ZNF385D: variants seen among roughly 807,000 people sequenced by gnomAD.
ZNF385D encodes the protein zinc finger protein 385D.
Under a neutral mutation model 35.8 loss-of-function variants are expected in ZNF385D, and 15 were observed. The ratio of observed to expected loss-of-function variants is 0.42; its 90% CI spans 0.28 to 0.64. The LOEUF (loss-of-function observed/expected upper bound fraction) is 0.64. Among genes scored for constraint, ZNF385D ranks in the 30% least tolerant of loss-of-function variants. The pLI is 0.23. For synonymous variants in ZNF385D, 212 were observed against 186.8 expected (o/e 1.13, Z -1.10); for missense variants, 474 against 494.6 (o/e 0.96, Z 0.39).
intron 2 of ZNF385D, among the ~76,000 whole-genome samples, chr3:22,178,742 A>G (rs1445018254): frequency 3.3e-5 from 5 of 152,166 alleles, no homozygotes. Context: ...GTCTTTAATT[A>G]TCTTGAATTA....
At chr3:22,216,385 G>A (rs1697886425) in intron 2 of ZNF385D, among the ~76,000 whole-genome samples, 4 of 152,050 alleles carry the variant, frequency 2.6e-5, no homozygotes, top group Admixed American at 2.6e-4. Flanking sequence ...GCAGAAGACT[G>A]AAAGCCCCTT....
intron 3 of ZNF385D, among the ~76,000 whole-genome samples, chr3:22,141,684 G>A (rs1313288351): frequency 6.6e-6 from 1 of 150,622 alleles, no homozygotes; most frequent in Non-Finnish European, 1.5e-5. Flanking sequence ...GGAGGAGGAG[G>A]GTAGCACATC....
intron 3 of ZNF385D, among the ~76,000 whole-genome samples, chr3:21,529,169 C>T (rs374004954): frequency 6.6e-6 from 1 of 152,098 alleles, no homozygotes; most frequent in South Asian, 2.1e-4. Flanking sequence ...ACTAGTTTCT[C>T]AAATGTTCCA....
chr3:21,831,022 G>A (rs1694958755), intron 3 of ZNF385D, among the ~76,000 whole-genome samples: 1 of 152,068 alleles, frequency 6.6e-6, no homozygotes, highest in South Asian at 2.1e-4. Context: ...CAGGTTCCAG[G>A]GCTTCAGAGT....
At chr3:22,001,660 C>T (rs1695852582) in intron 3 of ZNF385D, among the ~76,000 whole-genome samples, 1 of 151,984 alleles carries the variant, frequency 6.6e-6, no homozygotes, top group South Asian at 2.1e-4. Flanking sequence ...CATCCAGCAG[C>T]TGCAGAATAC....
chr3:22,003,591 G>T lies in ZNF385D; in HGVS notation c.325+165226C>A, dbSNP rs534810820. On this transcript the variant is annotated intron_variant, in intron 3 of 5. Transcript: ENST00000494108. ...AAAAAAATACCTAAAATTTGGCCAG[G>T]TACAGTAGCTCACCCCTGTAATGTC... is the stretch of plus-strand genomic sequence containing the variant. Among the ~76,000 whole-genome samples, 14 of 152,224 alleles carry T rather than the reference G, an allele frequency of 9.2e-5. No homozygotes were observed. In the South Asian group the frequency reaches 2.3e-3, roughly 25 times the overall value.
intron 3 of ZNF385D, among the ~76,000 whole-genome samples, chr3:22,064,582 T>C (rs1699837909): frequency 6.6e-6 from 1 of 152,142 alleles, no homozygotes; most frequent in Admixed American, 6.6e-5. Flanking sequence ...GGGGTACATA[T>C]CCACAATGGA....
intron 1 of ZNF385D, among the ~76,000 whole-genome samples, chr3:21,734,432 A>T (rs1053069453): frequency 6.6e-6 from 1 of 152,016 alleles, no homozygotes; most frequent in Non-Finnish European, 1.5e-5. Context: ...AATGAACCTT[A>T]TTGATGAATT....
intron 3 of ZNF385D, among the ~76,000 whole-genome samples, chr3:21,906,071 T>C (rs568924839): frequency 6.6e-6 from 1 of 152,292 alleles, no homozygotes; most frequent in South Asian, 2.1e-4. Flanking sequence ...GAATTAAACT[T>C]CCGCATATCC....
At chr3:22,114,966 C>A (rs866172856) in intron 3 of ZNF385D, among the ~76,000 whole-genome samples, 2 of 152,078 alleles carry the variant, frequency 1.3e-5, no homozygotes, top group African/African-American at 2.4e-5. Context: ...ATGCTAGCTT[C>A]TTGATCTTTG....
intron 2 of ZNF385D, among the ~76,000 whole-genome samples, chr3:21,592,675 A>G (rs1341010627): frequency 1.3e-5 from 2 of 152,186 alleles, no homozygotes; most frequent in Non-Finnish European, 2.9e-5. Flanking sequence ...CCATTCTCAA[A>G]TCAGATCGTT....
intron 3 of ZNF385D, among the ~76,000 whole-genome samples, chr3:22,031,252 G>A (rs1384474484): frequency 1.3e-5 from 2 of 152,230 alleles, no homozygotes; most frequent in African/African-American, 4.8e-5. Context: ...CAGTGCCCCA[G>A]TAGGGATTCT....
intron 3 of ZNF385D, among the ~76,000 whole-genome samples, chr3:22,015,906 G>GA (rs1696858131): frequency 6.6e-6 from 1 of 151,950 alleles, no homozygotes; most frequent in Non-Finnish European, 1.5e-5. Context: ...CCACGTTCCT[G>GA]AAAAAAAGAC....
chr3:22,206,989 A>G (rs534067722), intron 2 of ZNF385D, among the ~76,000 whole-genome samples: 1 of 151,982 alleles, frequency 6.6e-6, no homozygotes, highest in East Asian at 1.9e-4. Flanking sequence ...ATATATAAAC[A>G]AAACTGACAA....
chr3:21,914,276 T>C (rs1700093098), intron 3 of ZNF385D, among the ~76,000 whole-genome samples: 1 of 152,082 alleles, frequency 6.6e-6, no homozygotes, highest in African/African-American at 2.4e-5. Context: ...ACTTATATTT[T>C]TTAGCTAAAT....
At chr3:21,562,477 G>C (rs1363831793) in intron 3 of ZNF385D, among the ~76,000 whole-genome samples, 1 of 152,136 alleles carries the variant, frequency 6.6e-6, no homozygotes, top group East Asian at 1.9e-4. Flanking sequence ...TGTAAGAGGT[G>C]AAATTCTTGC....
At chr3:21,485,710 C>G (rs994205000) in intron 4 of ZNF385D, among the ~76,000 whole-genome samples, 2 of 152,048 alleles carry the variant, frequency 1.3e-5, no homozygotes, top group Non-Finnish European at 1.5e-5. Context: ...CAGTAACTTT[C>G]TATCATTTCA....
intron 2 of ZNF385D, among the ~76,000 whole-genome samples, chr3:22,327,114 T>C (rs912579790): frequency 9.9e-5 from 15 of 152,266 alleles, no homozygotes; most frequent in African/African-American, 3.6e-4. Context: ...CTAAAGTGAA[T>C]TCTGAAGATT....
At chr3:21,855,335 G>A (rs558035878) in intron 3 of ZNF385D, among the ~76,000 whole-genome samples, 1 of 152,096 alleles carries the variant, frequency 6.6e-6, no homozygotes, top group South Asian at 2.1e-4. Flanking sequence ...GGACCACACA[G>A]GGAATTAATC....
Sources: allele counts gnomAD v4.1 joint callset (sites outside exome capture counted in the v4.1 genomes callset), GRCh38; gene constraint gnomAD v4.1.1; transcripts MANE v1.5; gene names NCBI Gene and HGNC (gene_info 2026-07-23, HGNC 2026-07-21).